TSHZ2: variants seen among roughly 807,000 people sequenced by gnomAD.
The protein encoded by TSHZ2 is teashirt homolog 2.
Under a neutral mutation model 74.4 loss-of-function variants are expected in TSHZ2, and 21 were observed. The observed-to-expected ratio is 0.28, with a 90% CI of 0.20 to 0.41. TSHZ2 has a LOEUF of 0.41. Among genes scored for constraint, TSHZ2 ranks in the 10% least tolerant of loss-of-function variants. TSHZ2 has a pLI of 1.00. For missense variants in TSHZ2, 1,244 were observed against 1,293.5 expected (o/e 0.96, Z 0.59); for synonymous variants, 540 against 515.3 (o/e 1.05, Z -0.65).
At chr20:53,430,715 A>C (rs540491712) in intron 2 of TSHZ2, among the ~76,000 whole-genome samples, 2 of 152,186 alleles carry the variant, frequency 1.3e-5, no homozygotes, top group African/African-American at 4.8e-5. Context: ...TAAAGCGAGA[A>C]ATTTAGGAAA....
rs116514237 is a variant in TSHZ2 at position 53,144,013 on chromosome 20, T to A, written c.41-109486T>A. ...GTTTGGAAATGAAATCATATGGAGT[T>A]GAAACTGTACTCTTGCACTAAGTCA... On this transcript the variant is annotated intron_variant, in intron 1 of 2. Coordinates refer to ENST00000371497, the MANE Select transcript of TSHZ2 (RefSeq NM_173485.6). Among the ~76,000 whole-genome samples the A allele has an allele frequency of 6.0e-3, 918 of 152,106 alleles. 11 individuals are homozygous for A. Among genetic ancestry groups the A allele is most frequent in the African/African-American group, 0.021 (874 of 41,464 alleles).
At chr20:53,421,016 G>A (rs188910768) in intron 2 of TSHZ2, among the ~76,000 whole-genome samples, 15 of 152,280 alleles carry the variant, frequency 9.9e-5, no homozygotes, top group Non-Finnish European at 1.6e-4. Context: ...GGAAACTTTG[G>A]CATAAACTCA....
chr20:53,459,359 A>G (rs1417222578), intron 2 of TSHZ2, among the ~76,000 whole-genome samples: 1 of 152,052 alleles, frequency 6.6e-6, no homozygotes, highest in Non-Finnish European at 1.5e-5. Flanking sequence ...AGTCTGTTTT[A>G]TCAGAGACCA....
chr20:53,017,665 A>G (rs113412923), intron 1 of TSHZ2, among the ~76,000 whole-genome samples: 19 of 152,314 alleles, frequency 1.2e-4, no homozygotes, highest in African/African-American at 4.6e-4. Flanking sequence ...CACATAAACA[A>G]TCCATCAAAC....
chr20:53,196,007 A>C (rs982245819), intron 1 of TSHZ2, among the ~76,000 whole-genome samples: 1 of 152,276 alleles, frequency 6.6e-6, no homozygotes, highest in Non-Finnish European at 1.5e-5. Flanking sequence ...GGAAGGCATA[A>C]CAAGGGGGCC....
intron 1 of TSHZ2, among the ~76,000 whole-genome samples, chr20:52,983,986 C>T (rs1250807836): frequency 6.6e-6 from 1 of 152,224 alleles, no homozygotes; most frequent in African/African-American, 2.4e-5. Flanking sequence ...GAATAGGCTA[C>T]GGGCTGTTTC....
intron 2 of TSHZ2, among the ~76,000 whole-genome samples, chr20:53,479,691 T>C (rs936098452): frequency 6.6e-6 from 1 of 152,238 alleles, no homozygotes; most frequent in Non-Finnish European, 1.5e-5. Flanking sequence ...CAGATAATTA[T>C]AAAAAGGTTT....
chr20:53,446,548 C>T (rs1342770833), intron 2 of TSHZ2, among the ~76,000 whole-genome samples: 1 of 146,592 alleles, frequency 6.8e-6, no homozygotes, highest in Admixed American at 6.9e-5. Flanking sequence ...CACTGCACTC[C>T]AGTCTGGGTG....
chr20:53,289,650 G>A (rs73274278), intron 2 of TSHZ2, among the ~76,000 whole-genome samples: 1 of 152,120 alleles, frequency 6.6e-6, no homozygotes. Context: ...TTGGAGGAAG[G>A]CTATTTTAGA....
chr20:53,421,537 C>T (rs769685486), intron 2 of TSHZ2: 23 of 228,364 alleles, frequency 1.0e-4, no homozygotes, highest in Non-Finnish European at 1.9e-4. Flanking sequence ...GGATGGCAAG[C>T]GTGTGATGTT....
intron 1 of TSHZ2, among the ~76,000 whole-genome samples, chr20:53,226,427 G>GGGGTGTGTGTGTGTGTGTGTGTGT (rs879256692): frequency 6.7e-6 from 1 of 149,564 alleles, no homozygotes; most frequent in African/African-American, 2.5e-5. Context: ...TGTGTGGGTC[G>GGGGTGTGTGTGTGTGTGTGTGTGT]GTGTGTGTAT....
intron 2 of TSHZ2, among the ~76,000 whole-genome samples, chr20:53,459,565 TTA>T (rs1403071811): frequency 6.9e-6 from 1 of 143,986 alleles, no homozygotes; most frequent in Non-Finnish European, 1.5e-5. Flanking sequence ...ACATTTAAAG[TTA>T]ATACTGTTAT....
chr20:53,452,997 C>T (rs1371830059), intron 2 of TSHZ2: 1 of 152,114 alleles, frequency 6.6e-6, no homozygotes, highest in Non-Finnish European at 1.5e-5. Context: ...AATGCCAGGC[C>T]TTCAGGGGTT....
At chr20:53,267,362 A>G (rs967582937) in intron 2 of TSHZ2, among the ~76,000 whole-genome samples, 1 of 152,212 alleles carries the variant, frequency 6.6e-6, no homozygotes, top group African/African-American at 2.4e-5. Context: ...GGAGAGGGAG[A>G]GCATGGATGG....
At chr20:53,477,789 T>C in intron 2 of TSHZ2, among the ~76,000 whole-genome samples, 1 of 135,120 alleles carries the variant, frequency 7.4e-6, no homozygotes, top group African/African-American at 2.9e-5. Flanking sequence ...ATCCAGAATC[T>C]ACAATGAACT....
intron 1 of TSHZ2, among the ~76,000 whole-genome samples, chr20:53,180,250 A>G (rs1988438470): frequency 6.6e-6 from 1 of 152,190 alleles, no homozygotes. Flanking sequence ...AGAGCACATT[A>G]CCAAAATCCA....
chr20:52,983,147 A>G (rs768586081), intron 1 of TSHZ2, among the ~76,000 whole-genome samples: 3 of 152,206 alleles, frequency 2.0e-5, no homozygotes, highest in Admixed American at 6.5e-5. Context: ...GGCATTGTTA[A>G]GAGTCAAGCC....
chr20:52,980,389 G>T (rs999912298), intron 1 of TSHZ2, among the ~76,000 whole-genome samples: 1 of 149,950 alleles, frequency 6.7e-6, no homozygotes, highest in Admixed American at 6.7e-5. Flanking sequence ...AAGGCCTCAT[G>T]TTTCCACAAC....
intron 2 of TSHZ2, among the ~76,000 whole-genome samples, chr20:53,464,630 TTTTTTAC>T (rs1195392560): frequency 6.6e-6 from 1 of 152,170 alleles, no homozygotes; most frequent in Non-Finnish European, 1.5e-5. Context: ...CCCAGCTAAC[TTTTTTAC>T]TTTTTACTTT....
Sources: allele counts gnomAD v4.1 joint callset (sites outside exome capture counted in the v4.1 genomes callset), GRCh38; gene constraint gnomAD v4.1.1; transcripts MANE v1.5; gene names NCBI Gene and HGNC (gene_info 2026-07-23, HGNC 2026-07-21).